Variants in PLCD1 observed in about 807,000 individuals in gnomAD.
PLCD1 encodes the protein 1-phosphatidylinositol 4,5-bisphosphate phosphodiesterase delta-1.
A neutral mutation model predicts 87.4 loss-of-function variants in PLCD1; 71 were observed. The ratio of observed to expected loss-of-function variants is 0.81; its 90% CI spans 0.67 to 0.99. The LOEUF (loss-of-function observed/expected upper bound fraction) is 0.99. PLCD1 is among the 50% of genes least tolerant of loss of function. PLCD1 has a pLI of 0.00. For synonymous variants in PLCD1, 348 were observed against 399.2 expected, an observed-to-expected ratio of 0.87 and a Z score of 1.53; for missense variants, 867 against 1,001.5, an observed-to-expected ratio of 0.87 and a Z score of 1.81.
Position 38,010,551 on chromosome 3 carries a change from G to C in PLCD1, c.802C>G (p.Arg268Gly). Residue 268 changes from arginine (R) to glycine (G), a missense_variant, in exon 6 of 15, where the codon CGG (arginine) becomes GGG (glycine). Coordinates refer to ENST00000334661, the MANE Select transcript of PLCD1 (RefSeq NM_006225.4). ...AGGAAGCCGTCCTTGGTCATCTGCC[G>C]CTGCGCCTTGGCTGGGAGGGAGGAG... ...YEPSETAKAQ[R>G]QMTKDGFLMY... is the part of the protein sequence containing the mutation. The C allele has an allele frequency of 6.2e-7, 1 of 1,613,014 alleles. No homozygotes were observed.
At position 38,011,305 on chromosome 3, in the gene PLCD1, TAACTGATCCACC is replaced by T. The variant is rs1237663691; in HGVS notation, c.687_698del (p.Asp231_Val234del). The T allele has an allele frequency of 1.9e-6, 3 of 1,612,092 alleles. No individual in the cohort carries two copies. In the South Asian group the frequency reaches 3.3e-5, roughly 18 times the overall value. On this transcript the variant is annotated inframe_deletion, in exon 5 of 15. Transcript: ENST00000334661. ...GCTGCTGGTGCTGCAGGAACGTCACTAACTGATCCACCGACAGAGTCTCCCCTGAGCCCGCGG... is the reference window on the plus strand; with the variant it reads ...GCTGCTGGTGCTGCAGGAACGTCACTGACAGAGTCTCCCCTGAGCCCGCGG...
At chr3:38,009,556 G>C in intron 9 of PLCD1, 97 bp downstream of exon 9, 10 of 1,560,440 alleles carry the variant, frequency 6.4e-6, no homozygotes, top group Non-Finnish European at 8.8e-6. Context: ...CAGAGGGTCT[G>C]AGTGGCAGCC....
At chr3:38,010,297 G>A (rs766502022) in intron 6 of PLCD1, 22 bp from the exon 7 acceptor site, 3 of 1,614,188 alleles carry the variant, frequency 1.9e-6, no homozygotes, top group Non-Finnish European at 2.5e-6. Context: ...GTGGTGGCTA[G>A]GACCCTCCAG....
chr3:38,019,339 C>T (rs1256868568), intron 2 of PLCD1, among the ~76,000 whole-genome samples: 2 of 152,142 alleles, frequency 1.3e-5, no homozygotes, highest in African/African-American at 4.8e-5. Flanking sequence ...GAATTCAGTT[C>T]GGCAGTCACA....
At chr3:38,024,592 G>A (rs1328117095) in intron 1 of PLCD1, 1 of 1,511,508 alleles carries the variant, frequency 6.6e-7, no homozygotes, top group South Asian at 1.2e-5. Flanking sequence ...GGAGGAGCTA[G>A]AGTTCGAGAG....
rs148949087 is a variant in PLCD1 at position 38,008,132 on chromosome 3, C to A, written c.2067G>T (p.Ala689=). 2 of 1,614,018 alleles carry A rather than the reference C, an allele frequency of 1.2e-6. No homozygotes were observed. The highest frequency in any genetic ancestry group is 1.7e-6 in the Non-Finnish European group (2 of 1,180,024). The change falls in exon 14 of 15, where the codon GCG becomes GCT. Residue 689 remains alanine, a synonymous_variant. Transcript: ENST00000334661. ...CAAGGTCAGGCACAACTACCTCAAA[C>A]GCAAACTCCGTGTCCCACCATGGGT... The part of the protein sequence containing the change: ...GFNPWWDTEF[A]FEVVVPDLAL...
Position 38,007,650 on chromosome 3 carries a change from G to A in PLCD1, c.*123C>T. Reference sequence around the variant, plus strand: ...AGGCAGCAGCAGACACTATGTTAGGGCTGAAGGCAATTTGGGGGCCTAGCT... The same window carrying A: ...AGGCAGCAGCAGACACTATGTTAGGACTGAAGGCAATTTGGGGGCCTAGCT... On this transcript the variant is annotated 3_prime_UTR_variant, in exon 15 of 15. Coordinates refer to ENST00000334661, the MANE Select transcript of PLCD1 (RefSeq NM_006225.4). 1 of 772,500 alleles carries A rather than the reference G, an allele frequency of 1.3e-6. No homozygotes were observed. The highest frequency in any genetic ancestry group is 2.3e-6 in the Non-Finnish European group (1 of 438,786). The allele number at this position is 772,500 out of a possible 1,614,324, so 47.9% of individuals were successfully genotyped here. A position where few individuals can be genotyped will look rare whatever the true frequency, so the allele number is the denominator to read the frequency against.
chr3:38,015,458 G>C (rs1700141217), intron 3 of PLCD1, among the ~76,000 whole-genome samples: 1 of 152,178 alleles, frequency 6.6e-6, no homozygotes, highest in African/African-American at 2.4e-5. Context: ...ACTGCTAAGG[G>C]GTACAGTGTT....
chr3:38,008,104 G>A lies in PLCD1; in HGVS notation c.2095C>T (p.Leu699Phe). 1 of 1,614,158 alleles carries A rather than the reference G, an allele frequency of 6.2e-7. No homozygotes were observed. Among genetic ancestry groups the A allele is most frequent in the Non-Finnish European group, 8.5e-7 (1 of 1,180,028 alleles). The change falls in exon 14 of 15, where the codon CTC (leucine) becomes TTC (phenylalanine). Residue 699 changes from leucine to phenylalanine, a missense_variant. Transcript: ENST00000334661. ...AFEVVVPDLA[L>F]IRFLVEDYDA... ...TAATCTTCCACCAAGAAGCGGATGA[G>A]GGCAAGGTCAGGCACAACTACCTCA...
At chr3:38,019,893 C>A (rs898692184) in intron 2 of PLCD1, among the ~76,000 whole-genome samples, 1 of 152,150 alleles carries the variant, frequency 6.6e-6, no homozygotes, top group Non-Finnish European at 1.5e-5. Context: ...GGTTAAGTAT[C>A]CCCATCCCTC....
At chr3:38,008,949 A>C in intron 11 of PLCD1, 93 bp downstream of exon 11, 1 of 1,025,814 alleles carries the variant, frequency 9.7e-7, no homozygotes, top group Non-Finnish European at 1.5e-6. Context: ...TTGGGTCCTC[A>C]GAGCTCCACT....
intron 1 of PLCD1, among the ~76,000 whole-genome samples, chr3:38,026,114 C>T (rs1700305777): frequency 1.3e-5 from 2 of 152,134 alleles, no homozygotes; most frequent in East Asian, 1.9e-4. Flanking sequence ...GGAGAAACTG[C>T]GCAGGGGTTC....
chr3:38,014,662 A>G (rs547160364), intron 3 of PLCD1: 1 of 153,636 alleles, frequency 6.5e-6, no homozygotes, highest in African/African-American at 2.4e-5. Context: ...TCACTTTTCT[A>G]GCCTAAAAAA....
chr3:38,008,425 C>T (rs563361375), intron 12 of PLCD1, 33 bp downstream of exon 12: 29 of 1,614,114 alleles, frequency 1.8e-5, no homozygotes, highest in Middle Eastern at 1.6e-4. Context: ...AAGGGAGGTC[C>T]GTGGGCACCT....
Position 38,009,920 on chromosome 3 carries a change from C to A in PLCD1, c.1271G>T (p.Ser424Ile), listed in dbSNP as rs773171067. ...ACCACACACCTCAGGGGAGGGCAGG[C>A]TGTTGGTGACCCCATCCAGTGGTCG... ...LNRPLDGVTN[S>I]LPSPEQLKGK... is the part of the protein sequence containing the mutation. Residue 424 changes from serine (S) to isoleucine (I), a missense_variant, in exon 8 of 15, where the codon AGC (serine) becomes ATC (isoleucine). Coordinates refer to ENST00000334661, the MANE Select transcript of PLCD1 (RefSeq NM_006225.4). 6.2e-7 allele frequency: 1 copy of A among 1,609,886 alleles called. No individual in the cohort carries two copies. The highest frequency in any genetic ancestry group is 1.1e-5 in the South Asian group (1 of 90,524).
chr3:38,015,168 AG>A (rs1380643427), intron 3 of PLCD1, among the ~76,000 whole-genome samples: 1 of 152,276 alleles, frequency 6.6e-6, no homozygotes, highest in Non-Finnish European at 1.5e-5. Context: ...TCTTCATAAA[AG>A]CCCCAAAGTG....
rs1700187502 is a variant in PLCD1, at chr3:38,018,374, TGCAGCCCCTCCTCCTGGCAGGAC to T, written c.200-1678_200-1656del. On this transcript the variant is annotated intron_variant, in intron 2 of 14. Coordinates refer to ENST00000334661, the MANE Select transcript of PLCD1 (RefSeq NM_006225.4). The surrounding 1 kb of genome is among the most constrained non-coding windows in gnomAD (Gnocchi z 5.7). ...CTCCCTGACCCTGGACCTGGCTCCCTGCAGCCCCTCCTCCTGGCAGGACGCAGCCCCTCAGCCTCCCACTCATG... is the reference window on the plus strand; with the variant it reads ...CTCCCTGACCCTGGACCTGGCTCCCTGCAGCCCCTCAGCCTCCCACTCATG... Among the ~76,000 whole-genome samples, 1 of 152,086 alleles carries T rather than the reference TGCAGCCCCTCCTCCTGGCAGGAC, an allele frequency of 6.6e-6. No individual in the cohort carries two copies. Among genetic ancestry groups the T allele is most frequent in the Non-Finnish European group, 1.5e-5 (1 of 67,996 alleles).
chr3:38,015,466 G>GT (rs200264264), intron 3 of PLCD1, among the ~76,000 whole-genome samples: 2 of 152,204 alleles, frequency 1.3e-5, no homozygotes, highest in East Asian at 3.8e-4. Flanking sequence ...GGGGTACAGT[G>GT]TTTCTTTCTG....
intron 1 of PLCD1, 126 bp downstream of exon 1, chr3:38,029,380 G>C (rs1040471849): frequency 2.4e-6 from 2 of 839,930 alleles, no homozygotes; most frequent in African/African-American, 3.4e-5. Flanking sequence ...AGAAGGGGCA[G>C]AGAGGCGGGC....
Sources: gnomAD v4.1 joint callset for allele counts (sites outside exome capture counted in the v4.1 genomes callset) on GRCh38, gnomAD v4.1.1 for gene constraint, Gnocchi (gnomAD v3.1) non-coding constraint, MANE v1.5 for transcripts, NCBI Gene and HGNC (gene_info 2026-07-23, HGNC 2026-07-21) for gene names.